CDC42SE2: variants seen among roughly 807,000 people sequenced by gnomAD.
The protein encoded by CDC42SE2 is CDC42 small effector protein 2.
Under a neutral mutation model 11.5 loss-of-function variants are expected in CDC42SE2, and 3 were observed. The ratio of observed to expected loss-of-function variants is 0.26; its 90% confidence interval spans 0.12 to 0.67. The LOEUF (loss-of-function observed/expected upper bound fraction) is 0.67, where lower values mean the gene tolerates loss of function less well. CDC42SE2 is among the 30% of genes least tolerant of loss of function. CDC42SE2 has a pLI of 0.80. For synonymous variants in CDC42SE2, 33 were observed against 34.8 expected, an observed-to-expected ratio of 0.95 and a Z score of 0.18; for missense variants, 82 against 106.8, an observed-to-expected ratio of 0.77 and a Z score of 1.02.
chr5:131,236,067 T>C, the CDC42SE2 span, among the ~76,000 whole-genome samples: 8 of 152,246 alleles, frequency 5.3e-5, no homozygotes, highest in Non-Finnish European at 1.2e-4. Flanking sequence ...TCACATCGTA[T>C]GTCCTTTCCT....
intron 2 of CDC42SE2, among the ~76,000 whole-genome samples, chr5:131,338,065 C>T (rs1048153506): frequency 6.6e-6 from 1 of 152,218 alleles, no homozygotes; most frequent in Non-Finnish European, 1.5e-5. Flanking sequence ...GAGTTGCAGA[C>T]TGGAGCTGTT....
chr5:131,306,098 A>G (rs190137055), intron 1 of CDC42SE2, among the ~76,000 whole-genome samples: 31 of 152,328 alleles, frequency 2.0e-4, no homozygotes, highest in Non-Finnish European at 3.8e-4. Context: ...TCCACAAAAT[A>G]AACAATTCTT....
chr5:131,281,560 T>G lies in CDC42SE2; in HGVS notation c.-455+17394T>G, dbSNP rs191205220. Among the ~76,000 whole-genome samples the G allele has an allele frequency of 1.1e-4, 16 of 152,330 alleles. No individual in the cohort carries two copies. The East Asian group carries it at 2.7e-3, about 26-fold the overall frequency. On this transcript the variant is annotated intron_variant, in intron 1 of 4. Transcript: ENST00000505065. ...TTGAAAAAATAGTATTTAAAGAAAGTTTCATCTCACAGTGAATTTTTAGCC... is the reference window on the plus strand; with the variant it reads ...TTGAAAAAATAGTATTTAAAGAAAGGTTCATCTCACAGTGAATTTTTAGCC...
chr5:131,353,456 AT>A (rs1374943580), intron 2 of CDC42SE2, among the ~76,000 whole-genome samples: 2 of 151,756 alleles, frequency 1.3e-5, no homozygotes, highest in African/African-American at 4.8e-5. Flanking sequence ...TAATTTTTGT[AT>A]TTTTAGTAGG....
rs114656392 is a variant in CDC42SE2 at position 131,270,846 on chromosome 5, G to A, written c.-455+6680G>A. Among the ~76,000 whole-genome samples the A allele has an allele frequency of 2.5e-3, 384 of 152,156 alleles. 3 individuals carry two copies. Among genetic ancestry groups the A allele is most frequent in the African/African-American group, 8.7e-3 (362 of 41,510 alleles). ...AGAAGCTTGTTTTGGAGGAAGAGTC[G>A]TACTTAGTTGGCTTCTCTTTTTACT... On this transcript the variant is annotated intron_variant, in intron 1 of 4. Transcript: ENST00000505065.
At chr5:131,284,663 A>G (rs1337252181) in intron 1 of CDC42SE2, among the ~76,000 whole-genome samples, 4 of 151,932 alleles carry the variant, frequency 2.6e-5, no homozygotes, top group Non-Finnish European at 5.9e-5. Flanking sequence ...TGGTAGAGAT[A>G]GGGTCTTGCT....
chr5:131,322,231 T>C (rs1758207098), intron 2 of CDC42SE2, among the ~76,000 whole-genome samples: 2 of 152,162 alleles, frequency 1.3e-5, no homozygotes, highest in Non-Finnish European at 2.9e-5. Flanking sequence ...AGTTGAGTAG[T>C]GTTAAGTATG....
At chr5:131,296,515 C>A (rs906236287) in intron 1 of CDC42SE2, among the ~76,000 whole-genome samples, 1 of 152,170 alleles carries the variant, frequency 6.6e-6, no homozygotes, top group Non-Finnish European at 1.5e-5. Context: ...TGCTGGCAGT[C>A]GTTGGCTTGC....
chr5:131,317,810 C>G (rs1326198203), intron 2 of CDC42SE2, among the ~76,000 whole-genome samples: 1 of 151,858 alleles, frequency 6.6e-6, no homozygotes, highest in African/African-American at 2.4e-5. Flanking sequence ...ACCAGGTAAT[C>G]TGGTAGTATA....
the CDC42SE2 span, among the ~76,000 whole-genome samples, chr5:131,227,638 T>C: frequency 6.6e-6 from 1 of 152,260 alleles, no homozygotes; most frequent in Non-Finnish European, 1.5e-5. Context: ...TTACCAAGTA[T>C]AAAAACGAAA....
chr5:131,258,236 T>C (rs938741009), intron 2 of CDC42SE2, among the ~76,000 whole-genome samples: 4 of 152,200 alleles, frequency 2.6e-5, no homozygotes, highest in African/African-American at 7.2e-5. Context: ...TGTTTTTTTT[T>C]CTGTGTGAAA....
At chr5:131,248,638 A>G (rs1756615668) in intron 1 of CDC42SE2, among the ~76,000 whole-genome samples, 1 of 152,214 alleles carries the variant, frequency 6.6e-6, no homozygotes, top group African/African-American at 2.4e-5. Context: ...TGTGAAACAA[A>G]AGTCAATTGC....
At chr5:131,330,936 G>T (rs1381210371) in intron 2 of CDC42SE2, among the ~76,000 whole-genome samples, 1 of 152,006 alleles carries the variant, frequency 6.6e-6, no homozygotes, top group Non-Finnish European at 1.5e-5. Context: ...TGAGGCGAGA[G>T]AATTGTTTGA....
At chr5:131,357,056 G>T (rs1749572284) in intron 2 of CDC42SE2, among the ~76,000 whole-genome samples, 2 of 152,136 alleles carry the variant, frequency 1.3e-5, no homozygotes, top group Admixed American at 1.3e-4. Context: ...CCTGCTAAGA[G>T]GATTGGATGG....
intron 1 of CDC42SE2, among the ~76,000 whole-genome samples, chr5:131,295,275 T>G (rs12110184): frequency 0.021 from 3,192 of 150,480 alleles, 117 homozygotes; most frequent in African/African-American, 0.074. Flanking sequence ...AGATTGAGAC[T>G]TTGAAAAAAA....
At chr5:131,343,378 ACT>A (rs1758759539) in intron 2 of CDC42SE2, among the ~76,000 whole-genome samples, 1 of 152,102 alleles carries the variant, frequency 6.6e-6, no homozygotes, top group African/African-American at 2.4e-5. Context: ...ATTATTTCTA[ACT>A]CTAGGGAGCT....
upstream of CDC42SE2, among the ~76,000 whole-genome samples, chr5:131,241,896 A>G (rs1756543326): frequency 6.6e-6 from 1 of 152,102 alleles, no homozygotes; most frequent in South Asian, 2.1e-4. Context: ...TACTATATAT[A>G]TTATGCAATC....
At chr5:131,229,795 A>G in the CDC42SE2 span, among the ~76,000 whole-genome samples, 2 of 152,150 alleles carry the variant, frequency 1.3e-5, no homozygotes, top group Non-Finnish European at 1.5e-5. Flanking sequence ...TTAGCCACGC[A>G]TGGTGGCACG....
intron 3 of CDC42SE2, among the ~76,000 whole-genome samples, chr5:131,362,522 T>C (rs866083775): frequency 2.0e-5 from 3 of 152,216 alleles, no homozygotes; most frequent in Middle Eastern, 3.2e-3. Context: ...TTTTCTAAAA[T>C]ATTTACTGAA....
Sources: allele counts gnomAD v4.1 joint callset (sites outside exome capture counted in the v4.1 genomes callset), GRCh38; gene constraint gnomAD v4.1.1; transcripts MANE v1.5; gene names NCBI Gene and HGNC (gene_info 2026-07-23, HGNC 2026-07-21).